GFRA1: variants seen among roughly 807,000 people sequenced by gnomAD.
GFRA1 encodes GDNF family receptor alpha-1.
A neutral mutation model predicts 51.6 loss-of-function variants in GFRA1; 16 were observed. That is an observed-to-expected ratio of 0.31 (90% CI 0.21 to 0.47). The LOEUF is 0.47. Ranked by LOEUF, GFRA1 falls within the 20% of genes least tolerant of loss-of-function variation. GFRA1 has a pLI of 1.00. For synonymous variants in GFRA1, 270 were observed against 241.3 expected, an observed-to-expected ratio of 1.12 and a Z score of -1.10; for missense variants, 530 against 594.3, an observed-to-expected ratio of 0.89 and a Z score of 1.13.
At chr10:116,196,455 C>T (rs1963758242) in intron 5 of GFRA1, among the ~76,000 whole-genome samples, 1 of 146,922 alleles carries the variant, frequency 6.8e-6, no homozygotes, top group Admixed American at 7.0e-5. Flanking sequence ...TGCCACTGTA[C>T]TCCAGCCAGG....
intron 4 of GFRA1, among the ~76,000 whole-genome samples, chr10:116,268,910 G>A (rs889129795): frequency 2.0e-5 from 3 of 152,126 alleles, no homozygotes; most frequent in South Asian, 2.1e-4. Context: ...CATGGGAAGC[G>A]AGACTACATT....
At chr10:116,086,940 C>T (rs1316930470) in intron 9 of GFRA1, among the ~76,000 whole-genome samples, 1 of 152,234 alleles carries the variant, frequency 6.6e-6, no homozygotes, top group Non-Finnish European at 1.5e-5. Flanking sequence ...GCCTCAGCTT[C>T]CCAAGTAGCT....
chr10:116,173,851 C>A (rs1451292171), intron 5 of GFRA1, among the ~76,000 whole-genome samples: 1 of 143,546 alleles, frequency 7.0e-6, no homozygotes, highest in Non-Finnish European at 1.5e-5. Context: ...CCAAGGCGGG[C>A]GGATCACCTA....
At chr10:116,176,873 T>C (rs541330863) in intron 5 of GFRA1, among the ~76,000 whole-genome samples, 1 of 152,156 alleles carries the variant, frequency 6.6e-6, no homozygotes, top group African/African-American at 2.4e-5. Flanking sequence ...GAGATCACCA[T>C]GCAGTGTGGC....
At chr10:116,211,709 T>C in intron 4 of GFRA1, 64 bp from the exon 5 acceptor site, 1 of 1,292,036 alleles carries the variant, frequency 7.7e-7, no homozygotes, top group South Asian at 1.3e-5. Context: ...AAAATATTAA[T>C]AATAATGTTG....
intron 6 of GFRA1, among the ~76,000 whole-genome samples, chr10:116,097,057 G>A (rs1956626906): frequency 6.6e-6 from 1 of 151,934 alleles, no homozygotes; most frequent in South Asian, 2.1e-4. Flanking sequence ...GAATCTAGAG[G>A]CTTTGAAGTT....
intron 5 of GFRA1, among the ~76,000 whole-genome samples, chr10:116,166,747 G>A (rs931343042): frequency 1.4e-5 from 2 of 141,450 alleles, no homozygotes; most frequent in African/African-American, 2.6e-5. Context: ...CCAAAACATG[G>A]AATTTCCTCC....
intron 5 of GFRA1, among the ~76,000 whole-genome samples, chr10:116,200,194 T>G (rs902190684): frequency 6.6e-6 from 1 of 152,242 alleles, no homozygotes; most frequent in Non-Finnish European, 1.5e-5. Flanking sequence ...GTCTCCTTCT[T>G]AGACACATGC....
At chr10:116,078,137 T>C (rs1055467934) in intron 9 of GFRA1, among the ~76,000 whole-genome samples, 3 of 152,204 alleles carry the variant, frequency 2.0e-5, no homozygotes, top group African/African-American at 7.2e-5. Context: ...ACCCTGCATG[T>C]GTCCATTTCC....
chr10:116,212,665 A>G (rs1319309826), intron 4 of GFRA1, among the ~76,000 whole-genome samples: 1 of 152,148 alleles, frequency 6.6e-6, no homozygotes, highest in Non-Finnish European at 1.5e-5. Context: ...GACTGATACA[A>G]CATGAATCCT....
chr10:116,246,556 G>A (rs756301258), intron 4 of GFRA1, among the ~76,000 whole-genome samples: 1 of 152,074 alleles, frequency 6.6e-6, no homozygotes, highest in Non-Finnish European at 1.5e-5. Context: ...AGCAAAAAAC[G>A]AAAAGGAAAA....
At chr10:116,137,987 G>A (rs946982285) in intron 5 of GFRA1, among the ~76,000 whole-genome samples, 2 of 152,124 alleles carry the variant, frequency 1.3e-5, no homozygotes, top group African/African-American at 4.8e-5. Context: ...ATTTTTAGTA[G>A]AGATGGGGTT....
At chr10:116,192,227 G>A (rs1055960937) in intron 5 of GFRA1, among the ~76,000 whole-genome samples, 8 of 152,154 alleles carry the variant, frequency 5.3e-5, no homozygotes, top group African/African-American at 1.9e-4. Context: ...TATGGGCCAG[G>A]AGTATCTACC....
chr10:116,086,424 T>A (rs1956103260), intron 9 of GFRA1, among the ~76,000 whole-genome samples: 2 of 152,214 alleles, frequency 1.3e-5, no homozygotes, highest in South Asian at 4.1e-4. Flanking sequence ...CTCCGGCAGC[T>A]AAGCCATATA....
chr10:116,117,910 T>C (rs1189068562), intron 6 of GFRA1, among the ~76,000 whole-genome samples: 1 of 152,126 alleles, frequency 6.6e-6, no homozygotes, highest in African/African-American at 2.4e-5. Flanking sequence ...TGTTCCCCTT[T>C]GGCTTTTCAA....
At chr10:116,113,823 C>T (rs576827936) in intron 6 of GFRA1, among the ~76,000 whole-genome samples, 5 of 152,272 alleles carry the variant, frequency 3.3e-5, no homozygotes, top group African/African-American at 4.8e-5. Context: ...GGGAGGGTAA[C>T]GACAGCTCCC....
At chr10:116,168,009 G>A (rs556739587) in intron 5 of GFRA1, among the ~76,000 whole-genome samples, 16 of 152,104 alleles carry the variant, frequency 1.1e-4, no homozygotes, top group African/African-American at 2.9e-4. Context: ...CACTGCTTCC[G>A]TGATGACTGC....
chr10:116,255,387 A>T (rs1307365477), intron 4 of GFRA1, among the ~76,000 whole-genome samples: 1 of 152,178 alleles, frequency 6.6e-6, no homozygotes, highest in African/African-American at 2.4e-5. Context: ...GAAGGAAAAA[A>T]TACCCATAGC....
At chr10:116,222,141 G>A (rs1285824917) in intron 4 of GFRA1, among the ~76,000 whole-genome samples, 14 of 152,152 alleles carry the variant, frequency 9.2e-5, no homozygotes, top group Non-Finnish European at 4.4e-5. Flanking sequence ...AGGTAATGCA[G>A]TGCAGGCAAT....
Sources: allele counts gnomAD v4.1 joint callset (sites outside exome capture counted in the v4.1 genomes callset), GRCh38; gene constraint gnomAD v4.1.1; transcripts MANE v1.5; gene names NCBI Gene and HGNC (gene_info 2026-07-23, HGNC 2026-07-21).